The following MAP4K3 variants were observed in gnomAD, a reference collection of about 807,000 sequenced individuals.
MAP4K3 encodes mitogen-activated protein kinase kinase kinase kinase 3, also known as MAPK/ERK kinase kinase kinase 3.
Under a neutral mutation model 143.5 loss-of-function variants are expected in MAP4K3, and 94 were observed. That is an observed-to-expected ratio of 0.65 (90% CI 0.55 to 0.78). The LOEUF is 0.78. MAP4K3 is among the 30% of genes least tolerant of loss of function. MAP4K3 has a pLI of 0.00. For synonymous variants in MAP4K3, 416 were observed against 347.2 expected, an observed-to-expected ratio of 1.20 and a Z score of -2.20; for missense variants, 1,077 against 1,068.1, an observed-to-expected ratio of 1.01 and a Z score of -0.12.
intron 1 of MAP4K3, among the ~76,000 whole-genome samples, chr2:39,395,692 T>C (rs1282754787): frequency 1.3e-5 from 2 of 152,238 alleles, no homozygotes; most frequent in African/African-American, 2.4e-5. Context: ...AAACCTACTA[T>C]AGCGCTCTAC....
rs1680435759 is a variant in MAP4K3 at position 39,258,521 on chromosome 2, T to C, written c.2375A>G (p.Asp792Gly). The C allele has an allele frequency of 7.4e-6, 12 of 1,612,904 alleles. No individual in the cohort carries two copies. Among genetic ancestry groups the C allele is most frequent in the Non-Finnish European group, 1.0e-5 (12 of 1,178,924 alleles). ...LERDTILVCL[D>G]CCIKIVNLQG... ...GACATTCATAAATAAAAACTTACAG[T>C]CCAAGCATACAAGGATGGTATCTCT... Residue 792 changes from aspartate to glycine, a missense_variant and splice_region_variant, in exon 30 of 34, where the codon GAC becomes GGC. Asp to Gly is a moderately conservative substitution (Grantham distance 94). Transcript: ENST00000263881.
intron 3 of MAP4K3, among the ~76,000 whole-genome samples, chr2:39,348,323 A>C (rs1295659277): frequency 6.6e-6 from 1 of 152,064 alleles, no homozygotes; most frequent in East Asian, 1.9e-4. Context: ...ATGTAAAATG[A>C]CTTTCCAGCT....
At chr2:39,370,841 C>T (rs1471825796) in intron 2 of MAP4K3, among the ~76,000 whole-genome samples, 1 of 152,174 alleles carries the variant, frequency 6.6e-6, no homozygotes, top group Non-Finnish European at 1.5e-5. Flanking sequence ...AACAATACCA[C>T]AAATGAGTAT....
intron 1 of MAP4K3, among the ~76,000 whole-genome samples, chr2:39,404,617 C>CTTTTTTTTTTTTTTTTTTTTTT (rs1174319224): frequency 1.2e-4 from 10 of 86,140 alleles, no homozygotes; most frequent in African/African-American, 1.4e-4. Flanking sequence ...TTCTTTCTTT[C>CTTTTTTTTTTTTTTTTTTTTTT]TTTTTTTTTT....
chr2:39,313,670 G>C (rs1489947556), intron 13 of MAP4K3, among the ~76,000 whole-genome samples: 3 of 151,998 alleles, frequency 2.0e-5, no homozygotes, highest in African/African-American at 7.2e-5. Flanking sequence ...ACACCAACAG[G>C]CCCGGCTAAT....
chr2:39,292,974 G>C, intron 17 of MAP4K3, 148 bp from the exon 18 acceptor site: 2 of 738,472 alleles, frequency 2.7e-6, no homozygotes, highest in Non-Finnish European at 4.6e-6. Flanking sequence ...ATTAAAACAA[G>C]GAACTGGGAG....
chr2:39,334,640 C>A (rs1683801825), intron 6 of MAP4K3, among the ~76,000 whole-genome samples: 1 of 152,124 alleles, frequency 6.6e-6, no homozygotes. Flanking sequence ...CTTTCTTCAG[C>A]TCAGACTAAC....
In MAP4K3 at chr2:39,329,112, T is replaced by C. The variant is rs113208781; in HGVS notation, c.530+2805A>G. 1.3e-3 allele frequency among the ~76,000 whole-genome samples: 199 copies of C among 152,328 alleles called. 3 individuals are homozygous for C. Among genetic ancestry groups the C allele is most frequent in the African/African-American group, 4.6e-3 (193 of 41,572 alleles). On this transcript the variant is annotated intron_variant, in intron 8 of 33. Transcript: ENST00000263881. ...ACATGTTCCCAAGATATTTCCCACA[T>C]TATTCCAAGAGTAATGACATAAATT...
chr2:39,275,752 T>C (rs1477806833), intron 24 of MAP4K3, among the ~76,000 whole-genome samples: 1 of 152,246 alleles, frequency 6.6e-6, no homozygotes, highest in African/African-American at 2.4e-5. Flanking sequence ...TTACAGTATA[T>C]CATACAGTTT....
chr2:39,269,875 A>G lies in MAP4K3; in HGVS notation c.1973+2408T>C, dbSNP rs77543394. ...TTTACATTAGGAAAAGTTTTACATT[A>G]TAACTTACAATTATAAAAATGCCCC... On this transcript the variant is annotated intron_variant, in intron 26 of 33. Transcript: ENST00000263881. Among the ~76,000 whole-genome samples, 679 of 152,308 alleles carry G rather than the reference A, an allele frequency of 4.5e-3. 2 individuals carry two copies. The highest frequency in any genetic ancestry group is 0.017 in the Middle Eastern group (5 of 294).
chr2:39,259,267 G>A (rs903361365), intron 29 of MAP4K3, among the ~76,000 whole-genome samples: 21 of 152,078 alleles, frequency 1.4e-4, no homozygotes, highest in Admixed American at 2.6e-4. Flanking sequence ...GCAACACTTG[G>A]GAATTCACGG....
intron 23 of MAP4K3, among the ~76,000 whole-genome samples, chr2:39,279,416 A>G (rs1681417577): frequency 6.6e-6 from 1 of 152,228 alleles, no homozygotes; most frequent in Admixed American, 6.5e-5. Flanking sequence ...AAAAGTACTC[A>G]GCATATTTAA....
At chr2:39,361,676 T>C (rs530386457) in intron 2 of MAP4K3, among the ~76,000 whole-genome samples, 2 of 151,534 alleles carry the variant, frequency 1.3e-5, no homozygotes, top group Admixed American at 6.6e-5. Flanking sequence ...TTTAAAATGA[T>C]TATTTAAACA....
At chr2:39,375,592 G>A (rs1007818765) in intron 2 of MAP4K3, among the ~76,000 whole-genome samples, 1 of 152,158 alleles carries the variant, frequency 6.6e-6, no homozygotes, top group Admixed American at 6.5e-5. Flanking sequence ...GTTGTTAATG[G>A]TTGTAGTTAC....
chr2:39,375,575 C>G (rs10490305), intron 2 of MAP4K3, among the ~76,000 whole-genome samples: 9,640 of 152,222 alleles, frequency 0.063, 394 homozygotes, highest in Middle Eastern at 0.12. Context: ...TAATAAAGAA[C>G]TGTAATGTTG....
chr2:39,256,097 A>T (rs1680332389), intron 31 of MAP4K3, among the ~76,000 whole-genome samples: 1 of 152,142 alleles, frequency 6.6e-6, no homozygotes, highest in Non-Finnish European at 1.5e-5. Context: ...TGTGAAAGGG[A>T]TCTTTTTTCC....
intron 2 of MAP4K3, among the ~76,000 whole-genome samples, chr2:39,377,122 G>C (rs1666239905): frequency 6.6e-6 from 1 of 150,838 alleles, no homozygotes; most frequent in South Asian, 2.1e-4. Flanking sequence ...TAAGGGGTGA[G>C]CAAACTATAG....
intron 7 of MAP4K3, among the ~76,000 whole-genome samples, chr2:39,332,707 T>C (rs1293004931): frequency 6.6e-6 from 1 of 152,030 alleles, no homozygotes; most frequent in Non-Finnish European, 1.5e-5. Context: ...AATCAATAGA[T>C]AACTAAAAAG....
chr2:39,336,645 T>G (rs965244392), intron 6 of MAP4K3, among the ~76,000 whole-genome samples: 1 of 152,102 alleles, frequency 6.6e-6, no homozygotes, highest in Non-Finnish European at 1.5e-5. Context: ...AAGCTTACTC[T>G]GCATTTTACT....
Sources: allele counts gnomAD v4.1 joint callset (sites outside exome capture counted in the v4.1 genomes callset), GRCh38; gene constraint gnomAD v4.1.1; transcripts MANE v1.5; gene names NCBI Gene and HGNC (gene_info 2026-07-23, HGNC 2026-07-21).